Variants in ARHGEF28 observed in about 807,000 individuals in gnomAD.
The protein encoded by ARHGEF28 is 190 kDa guanine nucleotide exchange factor.
Under a neutral mutation model 206.6 loss-of-function variants are expected in ARHGEF28, and 152 were observed. That is an observed-to-expected ratio of 0.74 (90% confidence interval 0.64 to 0.84). ARHGEF28 has a LOEUF of 0.84. ARHGEF28 is among the 40% of genes least tolerant of loss of function. ARHGEF28 has a pLI of 0.00. For missense variants in ARHGEF28, 2,028 were observed against 2,073.2 expected (o/e 0.98, Z 0.42); for synonymous variants, 763 against 776.4 (o/e 0.98, Z 0.29).
At chr5:73,781,374 TC>T (rs1208649481) in intron 7 of ARHGEF28, among the ~76,000 whole-genome samples, 1 of 152,198 alleles carries the variant, frequency 6.6e-6, no homozygotes, top group Non-Finnish European at 1.5e-5. Flanking sequence ...AATACATTGT[TC>T]CTACTCTATT....
rs142719276 is a variant in ARHGEF28, at chr5:73,628,901, T to G, written c.-12+2579T>G. Among the ~76,000 whole-genome samples, 1,432 of 152,312 alleles carry G rather than the reference T, an allele frequency of 9.4e-3. 29 individuals are homozygous for G. The highest frequency in any genetic ancestry group is 0.032 in the African/African-American group (1,342 of 41,576). Reference sequence around the variant, plus strand: ...ACTCTGCCATTTTGTCCAGTCTCTGTGACCCTTAGTTCTTTTGTTATTATC... The same window carrying G: ...ACTCTGCCATTTTGTCCAGTCTCTGGGACCCTTAGTTCTTTTGTTATTATC... On this transcript the variant is annotated intron_variant, in intron 1 of 35. Transcript: ENST00000513042.
At chr5:73,919,512 G>C (rs548171046) in intron 35 of ARHGEF28, among the ~76,000 whole-genome samples, 1 of 152,302 alleles carries the variant, frequency 6.6e-6, no homozygotes, top group South Asian at 2.1e-4. Context: ...CAGATACTCT[G>C]ACAACATGAC....
rs770213312 is a variant in ARHGEF28 at position 73,818,803 on chromosome 5, C to T, written c.1025-13535C>T. 1.0e-3 allele frequency among the ~76,000 whole-genome samples: 157 copies of T among 152,166 alleles called. 2 individuals are homozygous for T. Among genetic ancestry groups the T allele is most frequent in the Non-Finnish European group, 1.8e-3 (120 of 68,042 alleles). On this transcript the variant is annotated intron_variant, in intron 9 of 35. Transcript: ENST00000513042. ...ATTTTTGGCTGCTCAAATTCTTGGA[C>T]AAGGTATCATTCTCCATTAATCTCT... is the stretch of plus-strand genomic sequence containing the variant.
At position 73,846,388 on chromosome 5, in the gene ARHGEF28, A is replaced by G. The variant is rs747106321; in HGVS notation, c.1548A>G (p.Glu516=). The G allele has an allele frequency of 6.2e-7, 1 of 1,613,960 alleles. No homozygotes were observed. Among genetic ancestry groups the G allele is most frequent in the South Asian group, 1.1e-5 (1 of 91,076 alleles). ...GAACTGGGATTCCTAGTGGGGATGA[A>G]TTGGACTCTTTTGAGACTAACACTG... The part of the protein sequence containing the change: ...SSRTGIPSGD[E]LDSFETNTEP... Residue 516 remains glutamate, a synonymous_variant, in exon 12 of 36, where the codon GAA becomes GAG. Transcript: ENST00000513042.
chr5:73,683,831 C>T lies in ARHGEF28; in HGVS notation c.-11-1010C>T, dbSNP rs773349476. Among the ~76,000 whole-genome samples, 173 of 152,120 alleles carry T rather than the reference C, an allele frequency of 1.1e-3. 1 individual carries two copies. The highest frequency in any genetic ancestry group is 9.4e-4 in the African/African-American group (39 of 41,412). On this transcript the variant is annotated intron_variant, in intron 1 of 35. Coordinates refer to ENST00000513042, the MANE Select transcript of ARHGEF28 (RefSeq NM_001177693.2). The stretch of plus-strand genomic sequence containing the variant: ...GACTTTGGAATCACCTGGAGCCAAG[C>T]GATGAACACAGGTGAAGCTTTCAAC...
At chr5:73,828,088 A>G (rs1424121766) in intron 9 of ARHGEF28, 1 of 151,396 alleles carries the variant, frequency 6.6e-6, no homozygotes, top group East Asian at 1.9e-4. Flanking sequence ...AAATGAAACT[A>G]TTATAGCTTT....
intron 3 of ARHGEF28, among the ~76,000 whole-genome samples, chr5:73,751,273 G>T (rs1455394580): frequency 6.6e-6 from 1 of 152,204 alleles, no homozygotes; most frequent in Non-Finnish European, 1.5e-5. Flanking sequence ...AGCTGGGCAT[G>T]GTGGCCGGTG....
chr5:73,795,177 T>C (rs1393188886), intron 8 of ARHGEF28, among the ~76,000 whole-genome samples, 154 bp from the exon 9 acceptor site: 1 of 152,238 alleles, frequency 6.6e-6, no homozygotes, highest in Admixed American at 6.5e-5. Flanking sequence ...TAAATAATAT[T>C]AAGTATAAGA....
Position 73,915,506 on chromosome 5 carries a change from T to A in ARHGEF28, c.4948+3931T>A, listed in dbSNP as rs182296919. Among the ~76,000 whole-genome samples, 16 of 152,340 alleles carry A rather than the reference T, an allele frequency of 1.1e-4. No homozygotes were observed. In the East Asian group the frequency reaches 3.1e-3, roughly 29 times the overall value. On this transcript the variant is annotated intron_variant, in intron 35 of 35. Transcript: ENST00000513042. ...AGATGGTTGGCTTAAGAACTTTTTC[T>A]GTACTCCTCTATGGGACACCAGCCA...
intron 13 of ARHGEF28, among the ~76,000 whole-genome samples, chr5:73,849,897 T>C (rs906785160): frequency 5.9e-5 from 9 of 152,006 alleles, no homozygotes; most frequent in Non-Finnish European, 2.9e-5. Flanking sequence ...AGCATTATAA[T>C]GAAATTTTTG....
chr5:73,885,433 T>G (rs1761211271), intron 24 of ARHGEF28, among the ~76,000 whole-genome samples: 1 of 152,034 alleles, frequency 6.6e-6, no homozygotes, highest in African/African-American at 2.4e-5. Flanking sequence ...TTTAACATTT[T>G]TTTGGTGGGG....
At chr5:73,747,133 C>T (rs1367728849) in intron 2 of ARHGEF28, among the ~76,000 whole-genome samples, 1 of 152,154 alleles carries the variant, frequency 6.6e-6, no homozygotes, top group Non-Finnish European at 1.5e-5. Flanking sequence ...GGTGAGAACA[C>T]ATCTCTATTG....
At chr5:73,716,046 C>T (rs938969600) in intron 2 of ARHGEF28, among the ~76,000 whole-genome samples, 2 of 152,108 alleles carry the variant, frequency 1.3e-5, no homozygotes, top group African/African-American at 4.8e-5. Context: ...CTGATTAAAA[C>T]TATAGGTTTG....
intron 1 of ARHGEF28, among the ~76,000 whole-genome samples, chr5:73,636,995 G>A (rs988826): frequency 0.79 from 120,278 of 152,074 alleles, 48,220 homozygotes; most frequent in African/African-American, 0.93. Flanking sequence ...GGGAGAAATG[G>A]TTGCAAATAC....
At chr5:73,639,946 A>G (rs1561302044) in intron 1 of ARHGEF28, among the ~76,000 whole-genome samples, 1 of 152,238 alleles carries the variant, frequency 6.6e-6, no homozygotes, top group Admixed American at 6.5e-5. Context: ...ATAAATGTCA[A>G]TACTGTAGTA....
chr5:73,882,672 A>G (rs1761029672), intron 23 of ARHGEF28, 78 bp downstream of exon 23: 3 of 1,293,344 alleles, frequency 2.3e-6, no homozygotes, highest in Non-Finnish European at 2.1e-6. Flanking sequence ...TAATGATTTA[A>G]ACAAATTTCT....
chr5:73,662,014 A>G (rs1745630761), intron 1 of ARHGEF28, among the ~76,000 whole-genome samples: 1 of 146,468 alleles, frequency 6.8e-6, no homozygotes, highest in African/African-American at 2.4e-5. Context: ...CAGAACACAA[A>G]AAAGCAAAAT....
At chr5:73,840,440 C>T (rs747430339) in intron 10 of ARHGEF28, 40 bp from the exon 11 acceptor site, 1 of 1,591,556 alleles carries the variant, frequency 6.3e-7, no homozygotes, top group Non-Finnish European at 8.6e-7. Flanking sequence ...GCCAATCTTA[C>T]CTGCTTTTAC....
intron 10 of ARHGEF28, among the ~76,000 whole-genome samples, chr5:73,836,549 A>G (rs1398103239): frequency 6.6e-6 from 1 of 152,006 alleles, no homozygotes; most frequent in Non-Finnish European, 1.5e-5. Flanking sequence ...AGTTCCTTAC[A>G]TATTTTGGGT....
Sources: allele counts gnomAD v4.1 joint callset (sites outside exome capture counted in the v4.1 genomes callset), GRCh38; gene constraint gnomAD v4.1.1; transcripts MANE v1.5; gene names NCBI Gene and HGNC (gene_info 2026-07-23, HGNC 2026-07-21).